SLC35F2: variants seen among roughly 807,000 people sequenced by gnomAD.
The protein encoded by SLC35F2 is solute carrier family 35 member F2, also known as queuine/queuosine transporter SLC35F2.
SLC35F2 carries 25 observed loss-of-function variants against 38.1 expected under a neutral mutation model. That is an observed-to-expected ratio of 0.66 (90% confidence interval 0.48 to 0.92). The LOEUF (loss-of-function observed/expected upper bound fraction) is 0.92. Ranked by LOEUF, SLC35F2 falls within the 40% of genes least tolerant of loss-of-function variation. The pLI, the probability that SLC35F2 is intolerant of heterozygous loss-of-function variation, is 0.00. For synonymous variants in SLC35F2, 173 were observed against 181.7 expected, an observed-to-expected ratio of 0.95 and a Z score of 0.38; for missense variants, 409 against 452.9, an observed-to-expected ratio of 0.90 and a Z score of 0.88.
At chr11:107,804,846 A>G in intron 5 of SLC35F2, 76 bp from the exon 6 acceptor site, 1 of 1,262,512 alleles carries the variant, frequency 7.9e-7, no homozygotes, top group Non-Finnish European at 1.1e-6. Context: ...TAGTCACTAT[A>G]CTTCAGCTAA....
chr11:107,826,034 A>T (rs552648028), intron 1 of SLC35F2, among the ~76,000 whole-genome samples: 6 of 152,208 alleles, frequency 3.9e-5, no homozygotes, highest in Non-Finnish European at 7.3e-5. Flanking sequence ...TCATTACAGC[A>T]CTATTTATAC....
intron 7 of SLC35F2, among the ~76,000 whole-genome samples, chr11:107,793,439 T>C (rs1482734466): frequency 6.6e-6 from 1 of 152,172 alleles, no homozygotes; most frequent in African/African-American, 2.4e-5. Context: ...AAGGTCATCA[T>C]GGATACCACA....
At chr11:107,851,519 A>T (rs1456494199) in intron 1 of SLC35F2, among the ~76,000 whole-genome samples, 1 of 149,576 alleles carries the variant, frequency 6.7e-6, no homozygotes, top group African/African-American at 2.4e-5. Context: ...GTTGAGAAAC[A>T]CACTAGATGA....
At chr11:107,821,096 T>A (rs1859663775) in intron 1 of SLC35F2, among the ~76,000 whole-genome samples, 1 of 152,182 alleles carries the variant, frequency 6.6e-6, no homozygotes, top group African/African-American at 2.4e-5. Context: ...ATGTCCAAAG[T>A]ACCAGGCACA....
At chr11:107,843,550 CAAA>C (rs754451857) in intron 1 of SLC35F2, among the ~76,000 whole-genome samples, 1 of 115,178 alleles carries the variant, frequency 8.7e-6, no homozygotes. Flanking sequence ...AACTTTGTCT[CAAA>C]AAAAAAAAAA....
chr11:107,806,839 AGAG>A lies in SLC35F2; in HGVS notation c.449_451del (p.Ala150_Leu151delinsVal). On this transcript the variant is annotated inframe_deletion, in exon 4 of 8. Transcript: ENST00000525815. ...TCTTGCATGAAGAATAAACCATGAC[AGAG>A]CCATCAACACAGGAATCCCAAAGCA... 1 of 1,614,128 alleles carries A rather than the reference AGAG, an allele frequency of 6.2e-7. No individual in the cohort carries two copies. Among genetic ancestry groups the A allele is most frequent in the Non-Finnish European group, 8.5e-7 (1 of 1,179,970 alleles).
intron 1 of SLC35F2, among the ~76,000 whole-genome samples, chr11:107,852,059 C>T (rs984718400): frequency 5.9e-5 from 9 of 152,182 alleles, no homozygotes; most frequent in South Asian, 4.1e-4. Flanking sequence ...CTGTGGAAGG[C>T]GGAAACCAAA....
At position 107,791,783 on chromosome 11, in the gene SLC35F2, G is replaced by A. The variant is rs914659866; in HGVS notation, c.*832C>T. On this transcript the variant is annotated 3_prime_UTR_variant, in exon 8 of 8. Transcript: ENST00000525815. ...CCCAGCACTTTGGGAGGTCGGGGCA[G>A]GCAGATCACTTGAGGTCGGGAGGTC... 1 of 152,232 alleles carries A rather than the reference G, an allele frequency of 6.6e-6. No individual in the cohort carries two copies. Among genetic ancestry groups the A allele is most frequent in the African/African-American group, 2.4e-5 (1 of 41,426 alleles). The allele number at this position is 152,232 out of a possible 1,614,324, so 9.4% of individuals were successfully genotyped here.
intron 1 of SLC35F2, among the ~76,000 whole-genome samples, chr11:107,827,342 T>C (rs1333531029): frequency 1.3e-5 from 2 of 152,128 alleles, no homozygotes; most frequent in Non-Finnish European, 2.9e-5. Flanking sequence ...GAGCTGGGCG[T>C]GGTGGCTCAC....
chr11:107,826,277 A>C (rs1859753578), intron 1 of SLC35F2, among the ~76,000 whole-genome samples: 1 of 144,530 alleles, frequency 6.9e-6, no homozygotes, highest in South Asian at 2.1e-4. Flanking sequence ...GAAAGATAAA[A>C]CTTTTTTTTT....
rs1030538413 is a variant in SLC35F2, at chr11:107,821,377, C to T, written c.111-5412G>A. 9.2e-6 allele frequency: 9 copies of T among 977,872 alleles called. No homozygotes were observed. The African/African-American group carries it at 1.6e-4, about 17-fold the overall frequency. 60.6% of individuals were successfully genotyped at this position (977,872 alleles called of 1,614,324 possible). A position where few individuals can be genotyped will look rare whatever the true frequency, so the allele number is the denominator to read the frequency against. Reference sequence around the variant, plus strand: ...AATTGAGTATGGAGATTTAAAGTTACAGGAATGCACTTCTCTTGGCTCCAA... The same window carrying T: ...AATTGAGTATGGAGATTTAAAGTTATAGGAATGCACTTCTCTTGGCTCCAA... On this transcript the variant is annotated intron_variant, in intron 1 of 7. Transcript: ENST00000525815.
At chr11:107,839,386 A>T (rs1248776284) in intron 1 of SLC35F2, among the ~76,000 whole-genome samples, 2 of 152,138 alleles carry the variant, frequency 1.3e-5, no homozygotes, top group East Asian at 3.9e-4. Flanking sequence ...ACTTGAACCC[A>T]GGAGGCAGAG....
At position 107,791,316 on chromosome 11, in the gene SLC35F2, G is replaced by C. The variant is rs1281127210; in HGVS notation, c.*1299C>G. ...TGTTTTTACCAGTTATAAAAACAAAGCTTTTTCTTTGTTGTGATACTGTGC... is the reference window on the plus strand; with the variant it reads ...TGTTTTTACCAGTTATAAAAACAAACCTTTTTCTTTGTTGTGATACTGTGC... On this transcript the variant is annotated 3_prime_UTR_variant, in exon 8 of 8. Transcript: ENST00000525815. 1 of 152,138 alleles carries C rather than the reference G, an allele frequency of 6.6e-6. No individual in the cohort carries two copies. Among genetic ancestry groups the C allele is most frequent in the Admixed American group, 6.5e-5 (1 of 15,268 alleles). 9.4% of individuals were successfully genotyped at this position (152,138 alleles called of 1,614,324 possible).
chr11:107,804,799 G>A, intron 5 of SLC35F2, 29 bp from the exon 6 acceptor site: 2 of 1,555,344 alleles, frequency 1.3e-6, no homozygotes, highest in Non-Finnish European at 1.8e-6. Context: ...GTCACAGAGA[G>A]GTCCACATAC....
chr11:107,837,344 ATCCAAATATGAT>A (rs1859944582), intron 1 of SLC35F2, among the ~76,000 whole-genome samples: 1 of 152,156 alleles, frequency 6.6e-6, no homozygotes, highest in Admixed American at 6.5e-5. Flanking sequence ...CTAGATTAAA[ATCCAAATATGAT>A]TCCAAAGCCT....
intron 2 of SLC35F2, 90 bp downstream of exon 2, chr11:107,815,700 T>C: frequency 7.1e-7 from 1 of 1,409,344 alleles, no homozygotes; most frequent in Non-Finnish European, 9.6e-7. Flanking sequence ...CTCCAGTCAC[T>C]ACTTTCACAG....
intron 7 of SLC35F2, among the ~76,000 whole-genome samples, chr11:107,802,608 C>T (rs541678477): frequency 4.1e-4 from 62 of 152,176 alleles, no homozygotes; most frequent in Non-Finnish European, 7.4e-4. Context: ...ATCAGGTACT[C>T]CAGACTTTTT....
At chr11:107,853,549 T>C (rs1388603422) in intron 1 of SLC35F2, among the ~76,000 whole-genome samples, 18 of 151,454 alleles carry the variant, frequency 1.2e-4, no homozygotes, top group African/African-American at 4.4e-4. Flanking sequence ...AAACCCCGCC[T>C]CTACTAAAAA....
chr11:107,857,314 AGAGG>A (rs1358106040), intron 1 of SLC35F2, among the ~76,000 whole-genome samples: 1 of 136,274 alleles, frequency 7.3e-6, no homozygotes, highest in Non-Finnish European at 1.6e-5. Context: ...AAGGAAGGAG[AGAGG>A]GAAGGAAGGA....
Sources: allele counts gnomAD v4.1 joint callset (sites outside exome capture counted in the v4.1 genomes callset), GRCh38; gene constraint gnomAD v4.1.1; transcripts MANE v1.5; gene names NCBI Gene and HGNC (gene_info 2026-07-23, HGNC 2026-07-21).